The following DDX54 variants were observed in gnomAD, a reference collection of about 807,000 sequenced individuals.
DDX54 encodes the protein ATP-dependent RNA helicase DDX54.
Under a neutral mutation model 105.5 loss-of-function variants are expected in DDX54, and 67 were observed. That is an observed-to-expected ratio of 0.64 (90% CI 0.52 to 0.78). DDX54 has a LOEUF of 0.78. DDX54 is among the 30% of genes least tolerant of loss of function. The pLI is 0.00. For missense variants in DDX54, 1,206 were observed against 1,230.5 expected, an observed-to-expected ratio of 0.98 and a Z score of 0.30; for synonymous variants, 514 against 509.9, an observed-to-expected ratio of 1.01 and a Z score of -0.11.
chr12:113,178,874 G>A, intron 5 of DDX54, 103 bp downstream of exon 5: 1 of 1,427,480 alleles, frequency 7.0e-7, no homozygotes, highest in South Asian at 1.3e-5. Context: ...CACAGAAGCT[G>A]CTATTATTAA....
intron 7 of DDX54, 109 bp downstream of exon 7, chr12:113,176,731 G>A (rs550917322): frequency 1.0e-5 from 12 of 1,205,788 alleles, no homozygotes; most frequent in South Asian, 5.5e-5. Flanking sequence ...ACACTGCTTC[G>A]ATCTCAGCCA....
intron 1 of DDX54, among the ~76,000 whole-genome samples, chr12:113,185,061 A>G (rs933528857): frequency 2.7e-4 from 41 of 152,332 alleles, no homozygotes; most frequent in African/African-American, 9.6e-4. Context: ...CGCAGGCTCC[A>G]GCCCCGGGAT....
intron 19 of DDX54, among the ~76,000 whole-genome samples, chr12:113,160,993 G>T (rs1952196915): frequency 6.6e-6 from 1 of 152,034 alleles, no homozygotes; most frequent in Non-Finnish European, 1.5e-5. Flanking sequence ...GTGGAAGGGG[G>T]TCGGGGACAA....
Position 113,175,104 on chromosome 12 carries a change from G to A in DDX54, c.806C>T (p.Pro269Leu). 2.5e-6 allele frequency: 4 copies of A among 1,613,806 alleles called. No individual in the cohort carries two copies. Among genetic ancestry groups the A allele is most frequent in the Non-Finnish European group, 3.4e-6 (4 of 1,180,008 alleles). Residue 269 changes from proline to leucine, a missense_variant, in exon 8 of 20, where the codon CCC (proline) becomes CTC (leucine). Transcript: ENST00000306014. ...EQLQEIIARL[P>L]GGHQTVLFSA... ...GAACAGCACCGTCTGGTGGCCCCCG[G>A]GGAGGCGGGCGATGATCTCCTGCAG... is the stretch of plus-strand genomic sequence containing the variant.
At position 113,157,887 on chromosome 12, in the gene DDX54, G is replaced by A. The variant is rs79857129; in HGVS notation, c.*990C>T. On this transcript the variant is annotated 3_prime_UTR_variant, in exon 20 of 20. Coordinates refer to ENST00000306014, the MANE Select transcript of DDX54 (RefSeq NM_024072.4). ...CTCCATAAATGCAGGCCCTGATGAG[G>A]AGGTGATGGGAAGGTCAAGGGGCTA... is the stretch of plus-strand genomic sequence containing the variant. The A allele has an allele frequency of 0.017, 10,116 of 593,160 alleles. 304 individuals carry two copies. Among genetic ancestry groups the A allele is most frequent in the African/African-American group, 0.068 (3,679 of 54,028 alleles). The allele number at this position is 593,160 out of a possible 1,614,324, so 36.7% of individuals were successfully genotyped here. A position where few individuals can be genotyped will look rare whatever the true frequency, so the allele number is the denominator to read the frequency against.
chr12:113,165,768 C>G (rs769609656), intron 13 of DDX54, 34 bp downstream of exon 13: 1 of 1,602,658 alleles, frequency 6.2e-7, no homozygotes, highest in Non-Finnish European at 8.5e-7. Context: ...CAGCAAGGCC[C>G]ACCTGCCACC....
chr12:113,172,525 G>A lies in DDX54; in HGVS notation c.1107C>T (p.Tyr369=). 1.2e-6 allele frequency: 2 copies of A among 1,614,266 alleles called. No individual in the cohort carries two copies. The highest frequency in any genetic ancestry group is 1.7e-6 in the Non-Finnish European group (2 of 1,180,054). Residue 369 remains tyrosine (Y), a synonymous_variant, in exon 11 of 20, where the codon TAC becomes TAT. Coordinates refer to ENST00000306014, the MANE Select transcript of DDX54 (RefSeq NM_024072.4). ...TTQRVSCAHI[Y]SALDPTARKI... ...TGCGGGCTGTCGGGTCTAGGGCACT[G>A]TAGATGTGGGCGCAGCTCACCCGCT...
In DDX54 at chr12:113,164,302, C is replaced by T; in HGVS notation, c.1720-17G>A. 6.4e-7 allele frequency: 1 copy of T among 1,565,978 alleles called. No individual in the cohort carries two copies. Among genetic ancestry groups the T allele is most frequent in the Non-Finnish European group, 8.6e-7 (1 of 1,158,154 alleles). On this transcript the variant is annotated splice_polypyrimidine_tract_variant and intron_variant, in intron 14 of 19. Transcript: ENST00000306014. Reference sequence around the variant, plus strand: ...AAAGATAGTCTGTGGAGGGGACACCCAGTCCTTTGCCCACTGGCCTCCTAC... The same window carrying T: ...AAAGATAGTCTGTGGAGGGGACACCTAGTCCTTTGCCCACTGGCCTCCTAC...
At chr12:113,176,451 C>T (rs982191385) in intron 7 of DDX54, among the ~76,000 whole-genome samples, 1 of 152,268 alleles carries the variant, frequency 6.6e-6, no homozygotes, top group African/African-American at 2.4e-5. Context: ...CTTGTAACCC[C>T]AGCTACACAG....
chr12:113,162,061 T>C (rs61941433), intron 17 of DDX54, 64 bp from the exon 18 acceptor site: 120,752 of 1,503,606 alleles, frequency 0.08, 5,852 homozygotes, highest in East Asian at 0.23. Flanking sequence ...GGCTGCCGCT[T>C]GGGGCCTGTC....
chr12:113,179,428 C>A, intron 3 of DDX54, 97 bp from the exon 4 acceptor site: 1 of 1,365,010 alleles, frequency 7.3e-7, no homozygotes, highest in Non-Finnish European at 1.0e-6. Context: ...TGCTATAGAT[C>A]TCAGTGAATG....
intron 3 of DDX54, 83 bp downstream of exon 3, chr12:113,179,852 C>T (rs1243909913): frequency 6.7e-7 from 1 of 1,491,896 alleles, no homozygotes; most frequent in Non-Finnish European, 9.3e-7. Context: ...ACAGGTGGGA[C>T]AAGGGGTGGC....
chr12:113,185,351 G>A lies in DDX54; in HGVS notation c.101C>T (p.Ser34Phe), dbSNP rs1317672478. The change falls in exon 1 of 20, where the codon TCC (serine) becomes TTC (phenylalanine). Residue 34 changes from serine to phenylalanine, a missense_variant. Ser to Phe is a radical substitution (Grantham distance 155). Coordinates refer to ENST00000306014, the MANE Select transcript of DDX54 (RefSeq NM_024072.4). ...KGLRKRRGAA[S>F]QARGSDSEDG... ...CTCCGAGTCGCTGCCGCGGGCCTGG[G>A]AGGCCGCGCCTCGGCGCTTCCGGAG... 4.4e-6 allele frequency: 7 copies of A among 1,587,876 alleles called. No individual in the cohort carries two copies. The South Asian group carries it at 8.0e-5, about 18-fold the overall frequency.
chr12:113,177,387 C>T (rs957999797), intron 5 of DDX54: 1 of 355,802 alleles, frequency 2.8e-6, no homozygotes, highest in Admixed American at 4.3e-5. Context: ...CTGCCTTCCA[C>T]CCACAGTGCC....
chr12:113,161,671 C>G (rs1252717082), intron 18 of DDX54, among the ~76,000 whole-genome samples: 1 of 150,672 alleles, frequency 6.6e-6, no homozygotes, highest in Non-Finnish European at 1.5e-5. Flanking sequence ...TGCTGGGCCC[C>G]GCCCCCAGCA....
Position 113,169,769 on chromosome 12 carries a change from C to A in DDX54, c.1414+1G>T. On this transcript the variant is annotated splice_donor_variant, in intron 12 of 19. Transcript: ENST00000306014. LOFTEE classifies it high-confidence loss of function. Reference sequence around the variant, plus strand: ...CCTATCCCCACCCAGCCTCCACTCACCTGAGGGCTCCTTGAGGGGTCGGGC... The same window carrying A: ...CCTATCCCCACCCAGCCTCCACTCAACTGAGGGCTCCTTGAGGGGTCGGGC... The A allele has an allele frequency of 4.3e-6, 7 of 1,613,828 alleles. No individual in the cohort carries two copies. Among genetic ancestry groups the A allele is most frequent in the Non-Finnish European group, 5.9e-6 (7 of 1,179,796 alleles).
rs1405692067 is a variant in DDX54, at chr12:113,185,277, C to A, written c.174+1G>T. 1.9e-6 allele frequency: 3 copies of A among 1,558,906 alleles called. No homozygotes were observed. The highest frequency in any genetic ancestry group is 2.6e-6 in the Non-Finnish European group (3 of 1,155,096). ...CATGCGTCCCAGCCCCACGCGCCTA[C>A]CTTCCGGGCCCGGGCGTCATCTTCC... On this transcript the variant is annotated splice_donor_variant, in intron 1 of 19. Coordinates refer to ENST00000306014, the MANE Select transcript of DDX54 (RefSeq NM_024072.4). LOFTEE classifies it high-confidence loss of function.
chr12:113,174,709 G>A lies in DDX54; in HGVS notation c.999C>T (p.Asn333=), dbSNP rs748273030. The A allele has an allele frequency of 1.9e-5, 31 of 1,609,330 alleles. No homozygotes were observed. The East Asian group carries it at 2.0e-4, about 10-fold the overall frequency. Residue 333 remains asparagine, a synonymous_variant, in exon 10 of 20, where the codon AAC becomes AAT. Transcript: ENST00000306014. ...KAAVLLHLLH[N]VVRPQDQTVV... is the part of the protein sequence containing the mutation. Reference sequence around the variant, plus strand: ...CGGTCTGGTCCTGGGGCCGCACCACGTTGTGCAGCAGGTGGAGCAGCACGG... The same window carrying A: ...CGGTCTGGTCCTGGGGCCGCACCACATTGTGCAGCAGGTGGAGCAGCACGG...
chr12:113,166,523 A>G (rs1182502436), intron 12 of DDX54, among the ~76,000 whole-genome samples: 1 of 152,060 alleles, frequency 6.6e-6, no homozygotes. Context: ...CAATGTAGTG[A>G]CACTCCATGT....
Sources: gnomAD v4.1 joint callset for allele counts (sites outside exome capture counted in the v4.1 genomes callset) on GRCh38, gnomAD v4.1.1 for gene constraint, MANE v1.5 for transcripts, NCBI Gene and HGNC (gene_info 2026-07-23, HGNC 2026-07-21) for gene names.